OLFM3: variants seen among roughly 807,000 people sequenced by gnomAD.
OLFM3 encodes the protein noelin-3.
OLFM3 carries 20 observed loss-of-function variants against 48.6 expected under a neutral mutation model. The observed-to-expected ratio is 0.41, with a 90% CI of 0.29 to 0.60. The LOEUF is 0.60. Among genes scored for constraint, OLFM3 ranks in the 20% least tolerant of loss-of-function variants. OLFM3 has a pLI of 0.28. For missense variants in OLFM3, 437 were observed against 544.3 expected (o/e 0.80, Z 1.96); for synonymous variants, 222 against 198.1 (o/e 1.12, Z -1.01).
intron 1 of OLFM3, chr1:101,847,015 C>A (rs1342447162): frequency 1.3e-6 from 2 of 1,574,764 alleles, no homozygotes; most frequent in Admixed American, 1.7e-5. Context: ...TGATTAAGAT[C>A]CCGGTGCCGG....
chr1:101,845,707 AT>A (rs1557700219), intron 1 of OLFM3, among the ~76,000 whole-genome samples: 1 of 152,186 alleles, frequency 6.6e-6, no homozygotes, highest in African/African-American at 2.4e-5. Context: ...GATCTCAGCA[AT>A]GGAGGCTCTG....
rs943748146 is a variant in OLFM3, at chr1:101,897,534, A to G, written c.70-60509T>C. ...TTACTAGTATAGCCCTCAAGTGAAC[A>G]TAAGAGTGAAAAACAGTGTAAATTA... On this transcript the variant is annotated intron_variant, in intron 1 of 5. Coordinates refer to ENST00000370103, the MANE Select transcript of OLFM3 (RefSeq NM_058170.4). 4.6e-5 allele frequency among the ~76,000 whole-genome samples: 7 copies of G among 152,292 alleles called. No individual in the cohort carries two copies. The South Asian group carries it at 8.3e-4, about 18-fold the overall frequency.
chr1:101,977,383 G>A (rs965783154), intron 1 of OLFM3, among the ~76,000 whole-genome samples: 2 of 152,132 alleles, frequency 1.3e-5, no homozygotes, highest in Admixed American at 1.3e-4. Flanking sequence ...AGTACTAACT[G>A]TGATTATGAA....
At chr1:101,996,660 C>T in intron 1 of OLFM3, 88 bp downstream of exon 1, 3 of 1,372,344 alleles carry the variant, frequency 2.2e-6, no homozygotes, top group Non-Finnish European at 3.1e-6. Flanking sequence ...GTCTCTCGTC[C>T]CGTTTTTGAC....
intron 4 of OLFM3, among the ~76,000 whole-genome samples, chr1:101,824,230 T>A (rs1275627439): frequency 3.9e-5 from 6 of 152,192 alleles, no homozygotes; most frequent in African/African-American, 1.4e-4. Flanking sequence ...TATCGCATCA[T>A]GTCAACAACT....
Position 101,881,740 on chromosome 1 carries a change from CA to C in OLFM3, c.70-44716del, listed in dbSNP as rs1657534070. On this transcript the variant is annotated intron_variant, in intron 1 of 5. Coordinates refer to ENST00000370103, the MANE Select transcript of OLFM3 (RefSeq NM_058170.4). ...CTCCCACAGTCTTTGAGGCGAATTA[CA>C]AAAGTCCAGCCACTGTCATCCTCCT... 2.0e-5 allele frequency among the ~76,000 whole-genome samples: 3 copies of C among 151,802 alleles called. No individual in the cohort carries two copies. The South Asian group carries it at 6.2e-4, about 32-fold the overall frequency.
chr1:101,829,862 T>C (rs2100909247), intron 3 of OLFM3, among the ~76,000 whole-genome samples: 1 of 150,762 alleles, frequency 6.6e-6, no homozygotes, highest in Admixed American at 6.6e-5. Flanking sequence ...TGAGACGGAG[T>C]CTCTCTCTGT....
In OLFM3 at chr1:101,908,747, T is replaced by C. The variant is rs143131638; in HGVS notation, c.70-71722A>G. On this transcript the variant is annotated intron_variant, in intron 1 of 5. Transcript: ENST00000370103. ...GATAAATGTTCATATAAGAGATATATAGAAGGAGGCAGCCACACAGAGAAG... is the reference window on the plus strand; with the variant it reads ...GATAAATGTTCATATAAGAGATATACAGAAGGAGGCAGCCACACAGAGAAG... Among the ~76,000 whole-genome samples the C allele has an allele frequency of 1.2e-3, 180 of 152,216 alleles. 1 individual carries two copies. The highest frequency in any genetic ancestry group is 4.0e-3 in the African/African-American group (167 of 41,508).
chr1:101,976,693 G>A (rs1327494263), intron 1 of OLFM3, among the ~76,000 whole-genome samples: 4 of 152,156 alleles, frequency 2.6e-5, no homozygotes, highest in Non-Finnish European at 1.5e-5. Flanking sequence ...CTGCTAATAA[G>A]TAGATGCTCA....
rs549582593 is a variant in OLFM3 at position 101,891,755 on chromosome 1, G to A, written c.70-54730C>T. Among the ~76,000 whole-genome samples the A allele has an allele frequency of 3.9e-5, 6 of 152,014 alleles. No individual in the cohort carries two copies. In the East Asian group the frequency reaches 1.2e-3, roughly 29 times the overall value. ...CAAATCTCCAATGTGTATATGCAAA[G>A]CTATCTACATTTAATATTCACTACT... On this transcript the variant is annotated intron_variant, in intron 1 of 5. Transcript: ENST00000370103.
chr1:101,896,034 AT>A (rs1409937208), intron 1 of OLFM3, among the ~76,000 whole-genome samples: 3 of 151,230 alleles, frequency 2.0e-5, no homozygotes, highest in Admixed American at 6.6e-5. Context: ...GCTTATATCG[AT>A]TTATGTAATA....
intron 1 of OLFM3, among the ~76,000 whole-genome samples, chr1:101,952,347 G>C (rs544260671): frequency 6.6e-6 from 1 of 152,006 alleles, no homozygotes; most frequent in Admixed American, 6.6e-5. Context: ...TTAAAGCTCA[G>C]AGTTATTTAA....
intron 1 of OLFM3, among the ~76,000 whole-genome samples, chr1:101,907,154 T>C (rs1316711235): frequency 6.6e-6 from 1 of 152,204 alleles, no homozygotes; most frequent in African/African-American, 2.4e-5. Context: ...TTAGCATTTT[T>C]TTGCCATGGG....
chr1:101,831,608 A>G (rs1655153008), intron 2 of OLFM3, among the ~76,000 whole-genome samples: 2 of 152,180 alleles, frequency 1.3e-5, no homozygotes, highest in South Asian at 4.1e-4. Flanking sequence ...ATAACAGGGG[A>G]TGTGTTAAAT....
intron 1 of OLFM3, among the ~76,000 whole-genome samples, chr1:101,930,549 T>C (rs1282791932): frequency 6.6e-6 from 1 of 152,204 alleles, no homozygotes; most frequent in South Asian, 2.1e-4. Flanking sequence ...TGTTTATTAA[T>C]TCATGAAGAA....
chr1:101,850,882 A>T (rs180974299), intron 1 of OLFM3, among the ~76,000 whole-genome samples: 1 of 152,254 alleles, frequency 6.6e-6, no homozygotes, highest in Non-Finnish European at 1.5e-5. Context: ...TTGTAAAGGT[A>T]CAAATACAGG....
intron 1 of OLFM3, among the ~76,000 whole-genome samples, chr1:101,991,382 T>G (rs1661406478): frequency 6.6e-6 from 1 of 152,166 alleles, no homozygotes; most frequent in Admixed American, 6.6e-5. Context: ...GTTTAATTAA[T>G]ACTTAAGTAA....
At chr1:101,808,143 T>G (rs1402924568) in intron 4 of OLFM3, among the ~76,000 whole-genome samples, 1 of 151,556 alleles carries the variant, frequency 6.6e-6, no homozygotes, top group Non-Finnish European at 1.5e-5. Flanking sequence ...AAACATGTGA[T>G]TTTTTTTCTA....
intron 1 of OLFM3, among the ~76,000 whole-genome samples, chr1:101,966,892 A>C (rs888133969): frequency 6.6e-5 from 10 of 152,230 alleles, no homozygotes; most frequent in African/African-American, 1.9e-4. Flanking sequence ...GTTGGATAAA[A>C]TTCAGATATA....
Sources: allele counts gnomAD v4.1 joint callset (sites outside exome capture counted in the v4.1 genomes callset), GRCh38; gene constraint gnomAD v4.1.1; transcripts MANE v1.5; gene names NCBI Gene and HGNC (gene_info 2026-07-23, HGNC 2026-07-21).